LMCD1: variants seen among roughly 807,000 people sequenced by gnomAD.
LMCD1 encodes the protein LIM and cysteine-rich domains protein 1.
In LMCD1, 32 loss-of-function variants were observed where a neutral mutation model predicts 42.7. The ratio of observed to expected loss-of-function variants is 0.75; its 90% CI spans 0.57 to 1.01. The LOEUF (loss-of-function observed/expected upper bound fraction) is 1.01, where lower values mean the gene tolerates loss of function less well. Among genes scored for constraint, LMCD1 ranks in the 50% least tolerant of loss-of-function variants. LMCD1 has a pLI of 0.00. For synonymous variants in LMCD1, 178 were observed against 184.9 expected (o/e 0.96, Z 0.30); for missense variants, 458 against 483.1 (o/e 0.95, Z 0.49).
At chr3:8,518,548 G>T (rs1367339765) in intron 1 of LMCD1, among the ~76,000 whole-genome samples, 1 of 152,186 alleles carries the variant, frequency 6.6e-6, no homozygotes, top group Non-Finnish European at 1.5e-5. Context: ...AAGTCTCCTT[G>T]CCTTGAGCAG....
intron 5 of LMCD1, among the ~76,000 whole-genome samples, chr3:8,566,355 C>T (rs1391769711): frequency 6.6e-6 from 1 of 152,162 alleles, no homozygotes; most frequent in Non-Finnish European, 1.5e-5. Context: ...AATATACTAA[C>T]TTCATCTTTG....
intron 1 of LMCD1, among the ~76,000 whole-genome samples, chr3:8,518,063 A>C (rs1574950139): frequency 1.3e-5 from 2 of 151,832 alleles, no homozygotes; most frequent in South Asian, 4.2e-4. Context: ...AAAAAAAAAA[A>C]CAAGGTTCAG....
In LMCD1 at chr3:8,519,618, A is replaced by G. The variant is rs1434457931; in HGVS notation, c.43-13119A>G. 2.0e-5 allele frequency among the ~76,000 whole-genome samples: 3 copies of G among 152,192 alleles called. No individual in the cohort carries two copies. The East Asian group carries it at 5.8e-4, about 29-fold the overall frequency. ...TCCTAAAGATCTATGACTTTCTTACATGCAGAATCCAAGTATATATAGTGT... is the reference window on the plus strand; with the variant it reads ...TCCTAAAGATCTATGACTTTCTTACGTGCAGAATCCAAGTATATATAGTGT... On this transcript the variant is annotated intron_variant, in intron 1 of 5. Coordinates refer to ENST00000157600, the MANE Select transcript of LMCD1 (RefSeq NM_014583.4).
chr3:8,573,333 G>T lies in LMCD1; in HGVS notation c.*5735G>T, dbSNP rs1695249690. 1.3e-5 allele frequency: 2 copies of T among 152,276 alleles called. No individual in the cohort carries two copies. Among genetic ancestry groups the T allele is most frequent in the South Asian group, 4.1e-4 (2 of 4,826 alleles). 9.4% of individuals were successfully genotyped at this position (152,276 alleles called of 1,614,324 possible). ...CGATATATGTATACATCGTGGAATG[G>T]CTAAATCAAGCTAACATATCCATTA... On this transcript the variant is annotated 3_prime_UTR_variant, in exon 6 of 6. Transcript: ENST00000157600.
rs572469374 is a variant in LMCD1 at position 8,567,737 on chromosome 3, T to G, written c.*139T>G. 9 of 792,326 alleles carry G rather than the reference T, an allele frequency of 1.1e-5. No homozygotes were observed. The East Asian group carries it at 2.5e-4, about 22-fold the overall frequency. 49.1% of individuals were successfully genotyped at this position (792,326 alleles called of 1,614,324 possible). ...ATTTGCTTTTCAGTGAGAATATATA[T>G]ATGAGATATATATAGATATATATTC... is the stretch of plus-strand genomic sequence containing the variant. On this transcript the variant is annotated 3_prime_UTR_variant, in exon 6 of 6. Coordinates refer to ENST00000157600, the MANE Select transcript of LMCD1 (RefSeq NM_014583.4).
intron 2 of LMCD1, among the ~76,000 whole-genome samples, chr3:8,535,886 G>A (rs944340574): frequency 1.3e-5 from 2 of 152,178 alleles, no homozygotes; most frequent in African/African-American, 2.4e-5. Context: ...GTGGAATGTA[G>A]AATGTTTACA....
chr3:8,516,703 T>C (rs527354969), intron 1 of LMCD1, among the ~76,000 whole-genome samples: 1 of 152,198 alleles, frequency 6.6e-6, no homozygotes, highest in African/African-American at 2.4e-5. Flanking sequence ...CTATTCAAAG[T>C]TTTGCAGGGA....
intron 1 of LMCD1, among the ~76,000 whole-genome samples, chr3:8,517,519 T>C (rs1694122057): frequency 6.6e-6 from 1 of 152,240 alleles, no homozygotes; most frequent in Admixed American, 6.5e-5. Context: ...GTTTGGGTCG[T>C]GGACTTGTTG....
At chr3:8,510,403 G>C (rs951116426) in intron 1 of LMCD1, among the ~76,000 whole-genome samples, 10 of 152,226 alleles carry the variant, frequency 6.6e-5, no homozygotes, top group Admixed American at 6.5e-4. Flanking sequence ...AAGTATAAGA[G>C]AGAGATGTTT....
rs1371410474 is a variant in LMCD1 at position 8,573,881 on chromosome 3, A to C, written c.*6283A>C. 6.6e-6 allele frequency: 1 copy of C among 152,046 alleles called. No individual in the cohort carries two copies. Among genetic ancestry groups the C allele is most frequent in the African/African-American group, 2.4e-5 (1 of 41,430 alleles). 9.4% of individuals were successfully genotyped at this position (152,046 alleles called of 1,614,324 possible). On this transcript the variant is annotated 3_prime_UTR_variant, in exon 6 of 6. Transcript: ENST00000157600. ...AATTAAAACTGGTTTAAACCTAAAA[A>C]AAAAAAAAAGAAGAAAAGAAAAGAA...
chr3:8,540,772 A>G (rs922358642), intron 3 of LMCD1, among the ~76,000 whole-genome samples: 1 of 152,194 alleles, frequency 6.6e-6, no homozygotes, highest in Non-Finnish European at 1.5e-5. Context: ...TGTGTATCTC[A>G]TGAACACCTC....
At chr3:8,545,569 T>A (rs1694720063) in intron 3 of LMCD1, among the ~76,000 whole-genome samples, 1 of 152,190 alleles carries the variant, frequency 6.6e-6, no homozygotes. Context: ...TGTTTGCCAG[T>A]ATTTTATTGA....
intron 2 of LMCD1, among the ~76,000 whole-genome samples, chr3:8,534,639 G>T (rs902699390): frequency 1.3e-5 from 2 of 152,306 alleles, no homozygotes; most frequent in African/African-American, 4.8e-5. Context: ...ACATTTAAAT[G>T]ACCAAAGTGC....
chr3:8,533,361 A>G (rs1252044564), intron 2 of LMCD1, among the ~76,000 whole-genome samples: 3 of 152,030 alleles, frequency 2.0e-5, no homozygotes, highest in Admixed American at 6.6e-5. Context: ...CTTTTTTTCC[A>G]CTGAGGATTC....
intron 1 of LMCD1, among the ~76,000 whole-genome samples, chr3:8,512,345 C>G (rs114872865): frequency 1.3e-5 from 2 of 152,142 alleles, no homozygotes; most frequent in African/African-American, 2.4e-5. Context: ...CTAGAGCAGG[C>G]GATGCACTGA....
In LMCD1 at chr3:8,569,044, T is replaced by C. The variant is rs1200159940; in HGVS notation, c.*1446T>C. 6.6e-6 allele frequency: 1 copy of C among 152,258 alleles called. No homozygotes were observed. The highest frequency in any genetic ancestry group is 1.5e-5 in the Non-Finnish European group (1 of 68,056). 9.4% of individuals were successfully genotyped at this position (152,258 alleles called of 1,614,324 possible). A position where few individuals can be genotyped will look rare whatever the true frequency, so the allele number is the denominator to read the frequency against. On this transcript the variant is annotated 3_prime_UTR_variant, in exon 6 of 6. Transcript: ENST00000157600. Reference sequence around the variant, plus strand: ...CTAGTCACCCTCAGTTTCCTCGTCATGTTCATCTTCTCAAAGATAAGTTTC... The same window carrying C: ...CTAGTCACCCTCAGTTTCCTCGTCACGTTCATCTTCTCAAAGATAAGTTTC...
In LMCD1 at chr3:8,552,563, G is replaced by A. The variant is rs185533269; in HGVS notation, c.723+3660G>A. Among the ~76,000 whole-genome samples, 17 of 152,252 alleles carry A rather than the reference G, an allele frequency of 1.1e-4. No individual in the cohort carries two copies. The South Asian group carries it at 2.3e-3, about 20-fold the overall frequency. Reference sequence around the variant, plus strand: ...GCATGTGCATTGCTAACAAGTCCTCGGGTGATGCTGGTCTGGGGCTACACT... The same window carrying A: ...GCATGTGCATTGCTAACAAGTCCTCAGGTGATGCTGGTCTGGGGCTACACT... On this transcript the variant is annotated intron_variant, in intron 4 of 5. Coordinates refer to ENST00000157600, the MANE Select transcript of LMCD1 (RefSeq NM_014583.4).
chr3:8,544,156 A>G (rs1293907486), intron 3 of LMCD1, among the ~76,000 whole-genome samples: 2 of 152,084 alleles, frequency 1.3e-5, no homozygotes, highest in African/African-American at 4.8e-5. Context: ...TCTCTTGGTT[A>G]TGGTGACCAT....
intron 4 of LMCD1, among the ~76,000 whole-genome samples, chr3:8,562,200 A>G (rs1695050354): frequency 6.6e-6 from 1 of 152,180 alleles, no homozygotes; most frequent in Non-Finnish European, 1.5e-5. Flanking sequence ...GCCAGTGAAA[A>G]TGTTACTGGC....
Sources: allele counts gnomAD v4.1 joint callset (sites outside exome capture counted in the v4.1 genomes callset), GRCh38; gene constraint gnomAD v4.1.1; transcripts MANE v1.5; gene names NCBI Gene and HGNC (gene_info 2026-07-23, HGNC 2026-07-21).